COL5A1: variants seen among roughly 807,000 people sequenced by gnomAD.
COL5A1 encodes collagen type V alpha 1 chain, also known as collagen alpha-1(V) chain.
COL5A1 carries 16 observed loss-of-function variants against 263.7 expected under a neutral mutation model. The observed-to-expected ratio is 0.06, with a 90% confidence interval of 0.04 to 0.09. The LOEUF is 0.09. Ranked by LOEUF, COL5A1 falls within the 10% of genes least tolerant of loss-of-function variation. The pLI is 1.00. For missense variants in COL5A1, 2,036 were observed against 2,540.5 expected, an observed-to-expected ratio of 0.80 and a Z score of 4.27; for synonymous variants, 1,012 against 1,004.5, an observed-to-expected ratio of 1.01 and a Z score of -0.14.
chr9:134,666,597 G>A (rs75910128), intron 1 of COL5A1, among the ~76,000 whole-genome samples: 2,582 of 152,302 alleles, frequency 0.017, 72 homozygotes, highest in African/African-American at 0.057. Flanking sequence ...CTGAGAGCTC[G>A]TGAAGGTCAA....
chr9:134,833,150 G>C (rs1184224781), intron 64 of COL5A1, among the ~76,000 whole-genome samples: 5 of 152,218 alleles, frequency 3.3e-5, no homozygotes, highest in Non-Finnish European at 7.3e-5. Flanking sequence ...TCCCTGCAGA[G>C]AGGGTCCTTC....
chr9:134,795,062 A>G lies in COL5A1; in HGVS notation c.2701-20A>G, dbSNP rs1188869202. ...CCGGGCATTTAGAGAGTGACTGACC[A>G]GCCCCTTCTCTGATTCTAGGGGACC... On this transcript the variant is annotated intron_variant, in intron 32 of 65. Coordinates refer to ENST00000371817, the MANE Select transcript of COL5A1 (RefSeq NM_000093.5). 2 of 1,613,520 alleles carry G rather than the reference A, an allele frequency of 1.2e-6. No homozygotes were observed. The highest frequency in any genetic ancestry group is 1.3e-5 in the African/African-American group (1 of 74,906).
At position 134,843,697 on chromosome 9, in the gene COL5A1, T is replaced by C. The variant is rs1830167617; in HGVS notation, c.*1394T>C. 6.5e-6 allele frequency: 1 copy of C among 152,698 alleles called. No individual in the cohort carries two copies. Among genetic ancestry groups the C allele is most frequent in the Non-Finnish European group, 1.5e-5 (1 of 68,052 alleles). 9.5% of individuals were successfully genotyped at this position (152,698 alleles called of 1,614,324 possible). A position where few individuals can be genotyped will look rare whatever the true frequency, so the allele number is the denominator to read the frequency against. ...TGTGGTGTGACCATAGCAGATTATA[T>C]TTGGTTCCTGAATGTTTGTGGTGCT... On this transcript the variant is annotated 3_prime_UTR_variant, in exon 66 of 66. Coordinates refer to ENST00000371817, the MANE Select transcript of COL5A1 (RefSeq NM_000093.5).
At chr9:134,786,166 A>C in intron 31 of COL5A1, 118 bp downstream of exon 31, 1 of 990,496 alleles carries the variant, frequency 1.0e-6, no homozygotes, top group Non-Finnish European at 1.6e-6. Flanking sequence ...TGTTCTGCCG[A>C]TAACTTCTGG....
At chr9:134,806,775 G>A (rs564382406) in intron 42 of COL5A1, among the ~76,000 whole-genome samples, 76 of 152,272 alleles carry the variant, frequency 5.0e-4, no homozygotes, top group Non-Finnish European at 7.5e-4. Flanking sequence ...GTTTGGAACC[G>A]GGGAGTCCTG....
rs1008556063 is a variant in COL5A1, at chr9:134,696,071, T to G, written c.278-3838T>G. Among the ~76,000 whole-genome samples the G allele has an allele frequency of 2.0e-5, 3 of 151,966 alleles. No homozygotes were observed. The highest frequency in any genetic ancestry group is 7.3e-5 in the African/African-American group (3 of 41,366). On this transcript the variant is annotated intron_variant, in intron 2 of 65. Transcript: ENST00000371817. The surrounding 1 kb of genome is among the most constrained non-coding windows in gnomAD (Gnocchi z 4.3). Reference sequence around the variant, plus strand: ...GCTGAAACCTCAGCCGCCCCCCAGGTTCCTGGCCCCCTGTCCAAAGTTAGC... The same window carrying G: ...GCTGAAACCTCAGCCGCCCCCCAGGGTCCTGGCCCCCTGTCCAAAGTTAGC...
At chr9:134,734,021 G>T (rs1254433931) in intron 9 of COL5A1, among the ~76,000 whole-genome samples, 1 of 152,120 alleles carries the variant, frequency 6.6e-6, no homozygotes, top group Non-Finnish European at 1.5e-5. Flanking sequence ...TGGGAGGGCC[G>T]GACTGAAACC....
intron 63 of COL5A1, among the ~76,000 whole-genome samples, chr9:134,828,578 TATACC>T (rs1839400674): frequency 8.0e-4 from 14 of 17,508 alleles, no homozygotes; most frequent in South Asian, 4.1e-3. Context: ...ACACACCACA[TATACC>T]ACACCACACA....
intron 1 of COL5A1, among the ~76,000 whole-genome samples, chr9:134,657,645 G>T (rs1405185425): frequency 1.6e-5 from 2 of 127,634 alleles, no homozygotes; most frequent in South Asian, 2.6e-4. Context: ...GGGGTAGGGG[G>T]TGCAGTTTAT....
chr9:134,798,842 G>A (rs1056693591), intron 37 of COL5A1, among the ~76,000 whole-genome samples: 4 of 152,210 alleles, frequency 2.6e-5, no homozygotes, highest in South Asian at 2.1e-4. Context: ...GTGCTACCCC[G>A]CTTGAGGGAT....
intron 20 of COL5A1, among the ~76,000 whole-genome samples, chr9:134,764,898 A>G (rs1390297626): frequency 6.6e-6 from 1 of 152,192 alleles, no homozygotes; most frequent in Non-Finnish European, 1.5e-5. Context: ...AAGAGGCAGT[A>G]AGTGGGGGAA....
chr9:134,823,761 GTA>G (rs761840111), intron 61 of COL5A1, among the ~76,000 whole-genome samples: 3 of 152,220 alleles, frequency 2.0e-5, no homozygotes, highest in Non-Finnish European at 4.4e-5. Context: ...GTATATGCGT[GTA>G]TGTGACTGGG....
At position 134,821,414 on chromosome 9, in the gene COL5A1, A is replaced by G. The variant is rs1045853671; in HGVS notation, c.4555-683A>G. ...GGAAGCGCTCCCTCCCCAGTGAAAT[A>G]CGGCCATCAGCCCTCCGCTACCCTC... On this transcript the variant is annotated intron_variant, in intron 58 of 65. Coordinates refer to ENST00000371817, the MANE Select transcript of COL5A1 (RefSeq NM_000093.5). This position sits in a 1 kb window ranked among gnomAD's most constrained non-coding sequence, Gnocchi z 4.2. Among the ~76,000 whole-genome samples, 2 of 152,114 alleles carry G rather than the reference A, an allele frequency of 1.3e-5. No homozygotes were observed. Among genetic ancestry groups the G allele is most frequent in the African/African-American group, 4.8e-5 (2 of 41,410 alleles).
chr9:134,762,247 C>T (rs1245062733), intron 19 of COL5A1, among the ~76,000 whole-genome samples: 4 of 152,236 alleles, frequency 2.6e-5, no homozygotes, highest in African/African-American at 4.8e-5. Context: ...TCTCAGCTCT[C>T]ACTGCAGGAT....
At chr9:134,740,203 T>C (rs1835251702) in intron 11 of COL5A1, among the ~76,000 whole-genome samples, 1 of 151,594 alleles carries the variant, frequency 6.6e-6, no homozygotes, top group African/African-American at 2.4e-5. Flanking sequence ...CAACAGCGAG[T>C]GGCCGCTGCT....
chr9:134,705,576 C>G (rs1301286656), intron 4 of COL5A1, among the ~76,000 whole-genome samples: 1 of 152,248 alleles, frequency 6.6e-6, no homozygotes, highest in African/African-American at 2.4e-5. Flanking sequence ...GTGTCCTCAT[C>G]TGTAAAATGG....
chr9:134,746,510 A>G (rs1256504745), intron 11 of COL5A1, among the ~76,000 whole-genome samples: 1 of 152,224 alleles, frequency 6.6e-6, no homozygotes, highest in Non-Finnish European at 1.5e-5. Flanking sequence ...CTGAATCTGC[A>G]GTGGCAGAGG....
intron 27 of COL5A1, among the ~76,000 whole-genome samples, chr9:134,775,632 A>G (rs1837027086): frequency 6.6e-6 from 1 of 152,174 alleles, no homozygotes; most frequent in Admixed American, 6.5e-5. Context: ...GTAGACAGAC[A>G]TACCCCTAGG....
intron 1 of COL5A1, among the ~76,000 whole-genome samples, chr9:134,670,009 C>T (rs967672137): frequency 1.3e-5 from 2 of 152,188 alleles, no homozygotes; most frequent in African/African-American, 4.8e-5. Context: ...CTTTATTTTC[C>T]TTTCCTCACA....
Sources: gnomAD v4.1 joint callset for allele counts (sites outside exome capture counted in the v4.1 genomes callset) on GRCh38, gnomAD v4.1.1 for gene constraint, Gnocchi (gnomAD v3.1) non-coding constraint, MANE v1.5 for transcripts, NCBI Gene and HGNC (gene_info 2026-07-23, HGNC 2026-07-21) for gene names.